RANBP17: variants seen among roughly 807,000 people sequenced by gnomAD.
RANBP17 encodes the protein RAN binding protein 17.
A neutral mutation model predicts 141.2 loss-of-function variants in RANBP17; 158 were observed. The observed-to-expected ratio is 1.12, with a 90% CI of 0.98 to 1.28. RANBP17 has a LOEUF of 1.28. RANBP17 is among the 50% of genes most tolerant of loss of function. RANBP17 has a pLI of 0.00. For synonymous variants in RANBP17, 430 were observed against 450.0 expected (o/e 0.96, Z 0.56); for missense variants, 1,438 against 1,290.7 (o/e 1.11, Z -1.75).
At chr5:171,126,790 G>T (rs1756502314) in intron 14 of RANBP17, among the ~76,000 whole-genome samples, 1 of 152,078 alleles carries the variant, frequency 6.6e-6, no homozygotes, top group African/African-American at 2.4e-5. Context: ...TAGAAAACCT[G>T]AACAGACCAA....
chr5:170,953,017 A>G (rs913946768), intron 12 of RANBP17, among the ~76,000 whole-genome samples: 1 of 152,070 alleles, frequency 6.6e-6, no homozygotes, highest in Non-Finnish European at 1.5e-5. Flanking sequence ...TGTGAAGTTA[A>G]CTCTACCATC....
chr5:171,290,322 T>C (rs1768414110), intron 25 of RANBP17, among the ~76,000 whole-genome samples: 1 of 151,376 alleles, frequency 6.6e-6, no homozygotes, highest in South Asian at 2.1e-4. Context: ...GAGCTGAGAT[T>C]GTGCTATTGC....
intron 22 of RANBP17, among the ~76,000 whole-genome samples, chr5:171,235,267 GAATTGAGC>G (rs1356230522): frequency 6.6e-6 from 1 of 150,786 alleles, no homozygotes; most frequent in Non-Finnish European, 1.5e-5. Context: ...TGGAAACAAT[GAATTGAGC>G]AATATCTAGC....
chr5:171,211,018 A>G (rs1762850355), intron 20 of RANBP17, among the ~76,000 whole-genome samples: 1 of 151,692 alleles, frequency 6.6e-6, no homozygotes, highest in African/African-American at 2.4e-5. Flanking sequence ...AAAAAAAAAA[A>G]AGGCTATACC....
chr5:171,203,760 A>G (rs949266160), intron 19 of RANBP17, among the ~76,000 whole-genome samples: 1 of 152,192 alleles, frequency 6.6e-6, no homozygotes, highest in Non-Finnish European at 1.5e-5. Context: ...CAAAGAAAGT[A>G]AAACTCATGG....
intron 7 of RANBP17, among the ~76,000 whole-genome samples, chr5:170,911,672 A>G (rs1771537237): frequency 6.6e-6 from 1 of 151,980 alleles, no homozygotes; most frequent in Non-Finnish European, 1.5e-5. Flanking sequence ...ATGAAGGGTC[A>G]TCATGAGAAA....
At chr5:171,141,096 T>A (rs926983258) in intron 14 of RANBP17, among the ~76,000 whole-genome samples, 4 of 152,138 alleles carry the variant, frequency 2.6e-5, no homozygotes, top group Non-Finnish European at 1.5e-5. Context: ...TAAGAAACAT[T>A]TGCAGAATCC....
intron 14 of RANBP17, among the ~76,000 whole-genome samples, chr5:170,996,774 A>G (rs767087841): frequency 2.0e-5 from 3 of 152,162 alleles, no homozygotes; most frequent in Non-Finnish European, 4.4e-5. Context: ...TATGAAAGGG[A>G]TGAACATTTC....
chr5:170,879,050 A>G (rs1204367702), intron 2 of RANBP17, among the ~76,000 whole-genome samples: 3 of 152,168 alleles, frequency 2.0e-5, no homozygotes, highest in African/African-American at 7.2e-5. Context: ...TGGGCGGATA[A>G]CATTTTTCTA....
At chr5:171,241,203 C>T (rs1337115354) in intron 23 of RANBP17, 61 bp downstream of exon 23, 1 of 1,255,822 alleles carries the variant, frequency 8.0e-7, no homozygotes, top group African/African-American at 1.5e-5. Context: ...CACCACAGGC[C>T]TGGAAGTGTT....
intron 14 of RANBP17, among the ~76,000 whole-genome samples, chr5:171,020,882 T>G (rs989274171): frequency 2.0e-5 from 3 of 152,176 alleles, no homozygotes; most frequent in Admixed American, 2.0e-4. Context: ...GGTCTTTATA[T>G]GTTGGTGTGT....
At chr5:171,109,106 A>G (rs1309983757) in intron 14 of RANBP17, among the ~76,000 whole-genome samples, 2 of 152,206 alleles carry the variant, frequency 1.3e-5, no homozygotes, top group African/African-American at 4.8e-5. Flanking sequence ...TGACACAGAA[A>G]ACGGTATACA....
chr5:171,205,447 C>A lies in RANBP17; in HGVS notation c.2143-77C>A. ...AATGAATCAAAATCAGATATGTGGT[C>A]ATTATTGCCTGATTATTACTCCATC... is the stretch of plus-strand genomic sequence containing the variant. On this transcript the variant is annotated intron_variant, in intron 19 of 27. Coordinates refer to ENST00000523189, the MANE Select transcript of RANBP17 (RefSeq NM_022897.5). 4 of 1,150,010 alleles carry A rather than the reference C, an allele frequency of 3.5e-6. No homozygotes were observed. In the South Asian group the frequency reaches 5.3e-5, roughly 15 times the overall value. 71.2% of individuals were successfully genotyped at this position (1,150,010 alleles called of 1,614,324 possible).
chr5:170,957,456 A>G (rs1316681819), intron 13 of RANBP17, among the ~76,000 whole-genome samples: 2 of 152,122 alleles, frequency 1.3e-5, no homozygotes, highest in African/African-American at 2.4e-5. Context: ...ATGTGTTTCT[A>G]ATCCCAAAAT....
intron 14 of RANBP17, among the ~76,000 whole-genome samples, chr5:171,111,811 T>G (rs1414098174): frequency 6.6e-6 from 1 of 152,200 alleles, no homozygotes; most frequent in African/African-American, 2.4e-5. Flanking sequence ...ATCAAAGAAT[T>G]TATCATACTT....
At chr5:171,066,006 G>C (rs1341075847) in intron 14 of RANBP17, among the ~76,000 whole-genome samples, 3 of 151,568 alleles carry the variant, frequency 2.0e-5, no homozygotes, top group Non-Finnish European at 4.4e-5. Context: ...GATTACAGAC[G>C]CCCACCACCA....
intron 12 of RANBP17, among the ~76,000 whole-genome samples, chr5:170,937,298 C>G (rs1417143384): frequency 1.3e-5 from 2 of 152,164 alleles, no homozygotes; most frequent in Non-Finnish European, 2.9e-5. Context: ...AGACAGGTTT[C>G]TGTCTTGTCT....
In RANBP17 at chr5:170,904,011, A is replaced by G. The variant is rs1347588667; in HGVS notation, c.490-5650A>G. The G allele has an allele frequency of 8.3e-6, 4 of 481,356 alleles. 1 individual carries two copies. The highest frequency in any genetic ancestry group is 1.6e-5 in the Non-Finnish European group (4 of 243,426). The allele number at this position is 481,356 out of a possible 1,614,324, so 29.8% of individuals were successfully genotyped here. A position where few individuals can be genotyped will look rare whatever the true frequency, so the allele number is the denominator to read the frequency against. On this transcript the variant is annotated intron_variant, in intron 5 of 27. Transcript: ENST00000523189. ...TAAAAGATTGGATCAGATGTTTTCA[A>G]ATGCCTTTAGTAAAGATCACCAGCT...
chr5:171,016,219 GT>G (rs1285653771), intron 14 of RANBP17, among the ~76,000 whole-genome samples: 1 of 144,736 alleles, frequency 6.9e-6, no homozygotes, highest in Non-Finnish European at 1.5e-5. Flanking sequence ...CTTGAAGGTT[GT>G]TGTTTCATAT....
Sources: gnomAD v4.1 joint callset for allele counts (sites outside exome capture counted in the v4.1 genomes callset) on GRCh38, gnomAD v4.1.1 for gene constraint, MANE v1.5 for transcripts, NCBI Gene and HGNC (gene_info 2026-07-23, HGNC 2026-07-21) for gene names.